Variants in ADARB2 observed in about 807,000 individuals in gnomAD.
ADARB2 encodes inactive double-stranded RNA-specific editase B2.
A neutral mutation model predicts 62.2 loss-of-function variants in ADARB2; 25 were observed. The observed-to-expected ratio is 0.40, with a 90% CI of 0.29 to 0.56. The LOEUF (loss-of-function observed/expected upper bound fraction) is 0.56. ADARB2 is among the 20% of genes least tolerant of loss of function. The pLI, the probability that ADARB2 is intolerant of heterozygous loss-of-function variation, is 0.43. For synonymous variants in ADARB2, 572 were observed against 500.8 expected (o/e 1.14, Z -1.90); for missense variants, 1,071 against 1,077.4 (o/e 0.99, Z 0.08).
rs527752072 is a variant in ADARB2, at chr10:1,279,770, G to A, written c.1078-8701C>T. On this transcript the variant is annotated intron_variant, in intron 3 of 9. Coordinates refer to ENST00000381312, the MANE Select transcript of ADARB2 (RefSeq NM_018702.4). Reference sequence around the variant, plus strand: ...CTCTTTCTCTCTCTTGGAAAGGGACGTCTACTCCATGCTTGGCTCACTGTT... The same window carrying A: ...CTCTTTCTCTCTCTTGGAAAGGGACATCTACTCCATGCTTGGCTCACTGTT... 7.2e-5 allele frequency among the ~76,000 whole-genome samples: 11 copies of A among 152,250 alleles called. No homozygotes were observed. The South Asian group carries it at 1.7e-3, about 23-fold the overall frequency.
In ADARB2 at chr10:1,633,549, C is replaced by CATCTATCTATCTATCT. The variant is rs57536419; in HGVS notation, c.100+103486_100+103501dup. On this transcript the variant is annotated intron_variant, in intron 1 of 9. Coordinates refer to ENST00000381312, the MANE Select transcript of ADARB2 (RefSeq NM_018702.4). Reference sequence around the variant, plus strand: ...TCTGTCTGTCTGTCTGTCTATCTATCATCTATCTATCTATCTATCTATCTA... The same window carrying CATCTATCTATCTATCT: ...TCTGTCTGTCTGTCTGTCTATCTATCATCTATCTATCTATCTATCTATCTATCTATCTATCTATCTA... Among the ~76,000 whole-genome samples, 211 of 101,702 alleles carry CATCTATCTATCTATCT rather than the reference C, an allele frequency of 2.1e-3. 4 individuals carry two copies. The highest frequency in any genetic ancestry group is 3.9e-3 in the East Asian group (13 of 3,304). 66.7% of individuals were successfully genotyped at this position (101,702 alleles called of 152,430 possible). A position where few individuals can be genotyped will look rare whatever the true frequency, so the allele number is the denominator to read the frequency against.
intron 1 of ADARB2, among the ~76,000 whole-genome samples, chr10:1,712,483 A>AGG (rs774673977): frequency 6.6e-5 from 10 of 151,854 alleles, no homozygotes; most frequent in Non-Finnish European, 8.8e-5. Flanking sequence ...GTGGAAGCAC[A>AGG]GGGGGCAGGC....
chr10:1,401,499 G>A (rs911580081), intron 1 of ADARB2, among the ~76,000 whole-genome samples: 2 of 152,192 alleles, frequency 1.3e-5, no homozygotes, highest in African/African-American at 4.8e-5. Context: ...TCCGGTGATG[G>A]TCCCAGCTCC....
At chr10:1,326,887 TCCCCA>T (rs1442697465) in intron 3 of ADARB2, among the ~76,000 whole-genome samples, 1 of 65,256 alleles carries the variant, frequency 1.5e-5, no homozygotes, top group Non-Finnish European at 3.0e-5. Context: ...GCACAGCGCC[TCCCCA>T]CTGCCCAGCG....
At chr10:1,351,458 T>C (rs1170034470) in intron 3 of ADARB2, among the ~76,000 whole-genome samples, 2 of 151,662 alleles carry the variant, frequency 1.3e-5, no homozygotes, top group African/African-American at 4.9e-5. Context: ...ACAATACTCT[T>C]TTAAGTACTC....
intron 1 of ADARB2, among the ~76,000 whole-genome samples, chr10:1,497,108 T>C (rs1393790585): frequency 6.6e-6 from 1 of 152,190 alleles, no homozygotes; most frequent in East Asian, 1.9e-4. Flanking sequence ...TCTATAAGCC[T>C]AAGTCGTCAC....
intron 5 of ADARB2, among the ~76,000 whole-genome samples, chr10:1,241,379 C>T (rs1240811667): frequency 6.6e-6 from 1 of 152,156 alleles, no homozygotes; most frequent in African/African-American, 2.4e-5. Context: ...TGGAGATGAC[C>T]CTTGCCAAAG....
At chr10:1,467,604 A>G (rs1455764097) in intron 1 of ADARB2, among the ~76,000 whole-genome samples, 1 of 152,180 alleles carries the variant, frequency 6.6e-6, no homozygotes, top group Non-Finnish European at 1.5e-5. Flanking sequence ...CACCGCTGAC[A>G]CTGTGCCCAG....
At chr10:1,339,717 G>T (rs1241195339) in intron 3 of ADARB2, among the ~76,000 whole-genome samples, 1 of 152,256 alleles carries the variant, frequency 6.6e-6, no homozygotes, top group East Asian at 1.9e-4. Context: ...GGGCTGCTCT[G>T]GCCCCTGCTC....
chr10:1,354,243 T>A (rs948948333), intron 3 of ADARB2, among the ~76,000 whole-genome samples: 3 of 152,166 alleles, frequency 2.0e-5, no homozygotes, highest in Admixed American at 6.5e-5. Flanking sequence ...GAGCCCAAGC[T>A]AAGCCATCAT....
chr10:1,379,564 A>ATT (rs1372113621), intron 1 of ADARB2, among the ~76,000 whole-genome samples: 3 of 152,254 alleles, frequency 2.0e-5, no homozygotes, highest in South Asian at 2.1e-4. Context: ...AATGGTGCCA[A>ATT]TAAAGCCAAG....
intron 4 of ADARB2, among the ~76,000 whole-genome samples, chr10:1,262,522 A>G (rs573586821): frequency 4.0e-5 from 6 of 151,878 alleles, no homozygotes; most frequent in African/African-American, 1.2e-4. Flanking sequence ...CAGCCAAAAA[A>G]CACACAAAAA....
At chr10:1,599,987 T>A (rs1380091333) in intron 1 of ADARB2, among the ~76,000 whole-genome samples, 2 of 152,184 alleles carry the variant, frequency 1.3e-5, no homozygotes, top group Non-Finnish European at 2.9e-5. Context: ...TCCAGAGATC[T>A]GAGCACCTAG....
chr10:1,669,307 A>G (rs1248173499), intron 1 of ADARB2, among the ~76,000 whole-genome samples: 1 of 152,184 alleles, frequency 6.6e-6, no homozygotes, highest in Non-Finnish European at 1.5e-5. Context: ...AAGGGAACAG[A>G]GGTCTCAGAG....
intron 1 of ADARB2, among the ~76,000 whole-genome samples, chr10:1,517,666 G>T (rs916743854): frequency 2.0e-5 from 3 of 152,112 alleles, no homozygotes; most frequent in East Asian, 3.8e-4. Flanking sequence ...ACTTACACAC[G>T]CAGCTTTCTG....
At chr10:1,240,289 T>C (rs71494948) in intron 5 of ADARB2, 14 of 66,192 alleles carry the variant, frequency 2.1e-4, no homozygotes, top group South Asian at 3.5e-4. Flanking sequence ...CCTCCCGGTG[T>C]TTACTCCCCT....
chr10:1,430,715 G>A (rs1052403757), intron 1 of ADARB2, among the ~76,000 whole-genome samples: 1 of 151,478 alleles, frequency 6.6e-6, no homozygotes, highest in African/African-American at 2.4e-5. Flanking sequence ...ACTCCAACCT[G>A]GGTGACAGAG....
chr10:1,363,537 C>G lies in ADARB2; in HGVS notation c.568G>C (p.Val190Leu), dbSNP rs1041383189. Residue 190 changes from valine (V) to leucine (L), a missense_variant, in exon 3 of 10, where the codon GTG (valine) becomes CTG (leucine). By Grantham distance (32) the Val-to-Leu change is conservative. Coordinates refer to ENST00000381312, the MANE Select transcript of ADARB2 (RefSeq NM_018702.4). ...GCCTGGCAGGCGTTGGGGAACTGCA[C>G]GAAGGACCTGAGTGCCAGCTCCGCC... ...RAAELALRSF[V>L]QFPNACQAHL... 6.4e-7 allele frequency: 1 copy of G among 1,559,042 alleles called. No homozygotes were observed. The highest frequency in any genetic ancestry group is 8.7e-7 in the Non-Finnish European group (1 of 1,155,082).
intron 1 of ADARB2, among the ~76,000 whole-genome samples, chr10:1,727,529 T>C (rs1210522590): frequency 1.3e-5 from 2 of 152,222 alleles, no homozygotes; most frequent in African/African-American, 4.8e-5. Context: ...TGGGTTTTAA[T>C]TGAGTAGCTA....
Sources: allele counts gnomAD v4.1 joint callset (sites outside exome capture counted in the v4.1 genomes callset), GRCh38; gene constraint gnomAD v4.1.1; transcripts MANE v1.5; gene names NCBI Gene and HGNC (gene_info 2026-07-23, HGNC 2026-07-21).